FBXL17: variants seen among roughly 807,000 people sequenced by gnomAD.
FBXL17 encodes F-box/LRR-repeat protein 17.
A neutral mutation model predicts 66.2 loss-of-function variants in FBXL17; 22 were observed. The observed-to-expected ratio is 0.33, with a 90% CI of 0.24 to 0.47. The LOEUF is 0.47. Ranked by LOEUF, FBXL17 falls within the 20% of genes least tolerant of loss-of-function variation. FBXL17 has a pLI of 1.00. For missense variants in FBXL17, 878 were observed against 948.2 expected (o/e 0.93, Z 0.97); for synonymous variants, 474 against 400.5 (o/e 1.18, Z -2.19).
intron 6 of FBXL17, among the ~76,000 whole-genome samples, chr5:108,108,787 T>G (rs1354433491): frequency 2.4e-5 from 3 of 123,086 alleles, no homozygotes; most frequent in African/African-American, 8.2e-5. Context: ...TTTGTTTTTG[T>G]TTTTTTTTTT....
At chr5:108,320,195 T>TCTTTTACGCC (rs1272253335) in intron 4 of FBXL17, among the ~76,000 whole-genome samples, 8 of 151,818 alleles carry the variant, frequency 5.3e-5, no homozygotes, top group Non-Finnish European at 8.8e-5. Context: ...TTCTTTGTTT[T>TCTTTTACGCC]TGTCTTTTCA....
At chr5:108,241,151 TA>T (rs1755838393) in intron 4 of FBXL17, among the ~76,000 whole-genome samples, 1 of 152,080 alleles carries the variant, frequency 6.6e-6, no homozygotes, top group Admixed American at 6.6e-5. Context: ...CCAAACAAAC[TA>T]AATAAGGCAC....
intron 7 of FBXL17, among the ~76,000 whole-genome samples, chr5:107,884,582 AAT>A (rs1417742179): frequency 6.6e-6 from 1 of 152,206 alleles, no homozygotes; most frequent in African/African-American, 2.4e-5. Context: ...TACAGCACGT[AAT>A]TTGCCTCTCT....
intron 7 of FBXL17, among the ~76,000 whole-genome samples, chr5:107,889,196 T>G (rs776153163): frequency 4.6e-5 from 7 of 152,200 alleles, no homozygotes; most frequent in Non-Finnish European, 8.8e-5. Flanking sequence ...AAATTAATGA[T>G]GGGAAGGCAC....
intron 7 of FBXL17, among the ~76,000 whole-genome samples, chr5:107,998,003 C>T (rs974998617): frequency 1.3e-5 from 2 of 152,204 alleles, no homozygotes; most frequent in African/African-American, 4.8e-5. Context: ...TCCAAAGACA[C>T]ACATGGCTAC....
At chr5:107,950,212 G>A (rs1317075676) in intron 7 of FBXL17, among the ~76,000 whole-genome samples, 1 of 152,012 alleles carries the variant, frequency 6.6e-6, no homozygotes, top group African/African-American at 2.4e-5. Context: ...GGACCCTATA[G>A]GAGACCTCTC....
At chr5:107,909,759 G>C (rs757245514) in intron 7 of FBXL17, among the ~76,000 whole-genome samples, 7 of 152,154 alleles carry the variant, frequency 4.6e-5, no homozygotes, top group Non-Finnish European at 1.0e-4. Context: ...GAGGTGAGCA[G>C]AAGGGCTGAG....
intron 6 of FBXL17, among the ~76,000 whole-genome samples, chr5:108,078,775 A>G (rs1456315263): frequency 2.6e-5 from 4 of 152,100 alleles, no homozygotes; most frequent in Admixed American, 6.5e-5. Context: ...CTATGCTCTG[A>G]GCCTCCATTC....
chr5:107,886,613 C>T (rs191916613), intron 7 of FBXL17, among the ~76,000 whole-genome samples: 7 of 151,930 alleles, frequency 4.6e-5, no homozygotes, highest in Non-Finnish European at 1.0e-4. Flanking sequence ...CAAAAGGACA[C>T]AGGATCCAAT....
chr5:108,088,100 C>A (rs1291508606), intron 6 of FBXL17, among the ~76,000 whole-genome samples: 1 of 152,108 alleles, frequency 6.6e-6, no homozygotes, highest in African/African-American at 2.4e-5. Context: ...AAGCAAATTT[C>A]TTTTAAGTGA....
In FBXL17 at chr5:107,993,785, C is replaced by T. The variant is rs181259288; in HGVS notation, c.1822+27140G>A. On this transcript the variant is annotated intron_variant, in intron 7 of 8. Transcript: ENST00000542267. ...CACTCCTTGGTATCATGGTGCTAGC[C>T]CCAGTAATTAAGTCATGGCAATACC... Among the ~76,000 whole-genome samples, 26 of 152,084 alleles carry T rather than the reference C, an allele frequency of 1.7e-4. No homozygotes were observed. The East Asian group carries it at 3.5e-3, about 20-fold the overall frequency.
chr5:108,323,830 TG>T (rs1580816367), intron 4 of FBXL17, among the ~76,000 whole-genome samples: 1 of 151,972 alleles, frequency 6.6e-6, no homozygotes, highest in African/African-American at 2.4e-5. Flanking sequence ...CACTATTCAG[TG>T]GGGAAAGGGC....
At chr5:108,132,333 C>T (rs1199361167) in intron 6 of FBXL17, among the ~76,000 whole-genome samples, 1 of 152,134 alleles carries the variant, frequency 6.6e-6, no homozygotes, top group African/African-American at 2.4e-5. Context: ...TCTGTTAAAT[C>T]AAAATTATCT....
At chr5:108,330,223 T>A (rs1354838984) in intron 4 of FBXL17, among the ~76,000 whole-genome samples, 1 of 152,180 alleles carries the variant, frequency 6.6e-6, no homozygotes, top group Non-Finnish European at 1.5e-5. Flanking sequence ...CACACCACTA[T>A]CAAATCTGTT....
At chr5:107,975,985 A>T (rs964303422) in intron 7 of FBXL17, among the ~76,000 whole-genome samples, 1 of 151,350 alleles carries the variant, frequency 6.6e-6, no homozygotes, top group Non-Finnish European at 1.5e-5. Flanking sequence ...CAGCCTCCTG[A>T]GTAGCTGGGA....
rs182762748 is a variant in FBXL17, at chr5:108,098,061, G to T, written c.1746-77060C>A. ...AGCTCATAGTACACACTTCTTAAATGAATAATGAATGAGCAAATGGACAAG... is the reference window on the plus strand; with the variant it reads ...AGCTCATAGTACACACTTCTTAAATTAATAATGAATGAGCAAATGGACAAG... On this transcript the variant is annotated intron_variant, in intron 6 of 8. Coordinates refer to ENST00000542267, the MANE Select transcript of FBXL17 (RefSeq NM_001163315.3). Among the ~76,000 whole-genome samples the T allele has an allele frequency of 2.2e-3, 333 of 151,938 alleles. 4 individuals carry two copies. Among genetic ancestry groups the T allele is most frequent in the African/African-American group, 7.8e-3 (325 of 41,438 alleles).
At chr5:107,899,514 T>C (rs1749496501) in intron 7 of FBXL17, among the ~76,000 whole-genome samples, 1 of 152,122 alleles carries the variant, frequency 6.6e-6, no homozygotes, top group African/African-American at 2.4e-5. Flanking sequence ...CAGGCATCTG[T>C]AGTCCCAGCT....
At chr5:108,016,695 G>A (rs1400430732) in intron 7 of FBXL17, among the ~76,000 whole-genome samples, 2 of 152,114 alleles carry the variant, frequency 1.3e-5, no homozygotes, top group African/African-American at 2.4e-5. Flanking sequence ...GAGTGACACA[G>A]GTTGATTTCA....
rs1426940932 is a variant in FBXL17, at chr5:108,381,513, A to C, written c.179T>G (p.Met60Arg). The change falls in exon 1 of 9, where the codon ATG (methionine) becomes AGG (arginine). Residue 60 changes from methionine (M) to arginine (R), a missense_variant. Around this residue, in one of 4 missense-constraint regions of FBXL17, gnomAD observed 605 missense variants for 509.5 expected, o/e 1.19. Transcript: ENST00000542267. ...SRDCFFRGPC[M>R]LCFIVHSPGA... ...GGGACTGTGCACGATGAAGCAGAGC[A>C]TGCAGGGCCCGCGGAAGAAGCAGTC... 4.3e-6 allele frequency: 6 copies of C among 1,409,008 alleles called. No individual in the cohort carries two copies. The highest frequency in any genetic ancestry group is 6.6e-5 in the Admixed American group (2 of 30,486). The allele number at this position is 1,409,008 out of a possible 1,614,324, so 87.3% of individuals were successfully genotyped here. A position where few individuals can be genotyped will look rare whatever the true frequency, so the allele number is the denominator to read the frequency against.
Sources: gnomAD v4.1 joint callset for allele counts (sites outside exome capture counted in the v4.1 genomes callset) on GRCh38, gnomAD v4.1.1 for gene constraint, gnomAD v4.1.1 regional missense constraint, MANE v1.5 for transcripts, NCBI Gene and HGNC (gene_info 2026-07-23, HGNC 2026-07-21) for gene names.